FZD9: variants seen among roughly 807,000 people sequenced by gnomAD.
FZD9 encodes frizzled class receptor 9.
In FZD9, 29 loss-of-function variants were observed where a neutral mutation model predicts 29.9. That is an observed-to-expected ratio of 0.97 (90% CI 0.72 to 1.32). FZD9 has a LOEUF of 1.32. FZD9 is among the 40% of genes most tolerant of loss of function. FZD9 has a pLI of 0.00. For synonymous variants in FZD9, 384 were observed against 393.9 expected (o/e 0.97, Z 0.30); for missense variants, 822 against 857.8 (o/e 0.96, Z 0.52).
chr7:73,435,231 C>G lies in FZD9; in HGVS notation c.1224C>G (p.Gly408=), dbSNP rs782450675. 4 of 1,613,514 alleles carry G rather than the reference C, an allele frequency of 2.5e-6. No individual in the cohort carries two copies. The South Asian group carries it at 3.3e-5, about 13-fold the overall frequency. The stretch of plus-strand genomic sequence containing the variant: ...GCTTCGTGCTGGTGCCCCTCTCTGG[C>G]TACCTGGTGCTGGGCAGTAGTTTCC... ...LTGFVLVPLS[G]YLVLGSSFLL... The change falls in exon 1 of 1, where the codon GGC becomes GGG. Residue 408 remains glycine, a synonymous_variant. Coordinates refer to ENST00000344575, the MANE Select transcript of FZD9 (RefSeq NM_003508.3).
Position 73,435,121 on chromosome 7 carries a change from G to C in FZD9, c.1114G>C (p.Val372Leu), listed in dbSNP as rs930955244. The C allele has an allele frequency of 6.2e-7, 1 of 1,611,554 alleles. No individual in the cohort carries two copies. Among genetic ancestry groups the C allele is most frequent in the Non-Finnish European group, 8.5e-7 (1 of 1,179,044 alleles). The change falls in exon 1 of 1, where the codon GTC becomes CTC. Residue 372 changes from valine (V) to leucine (L), a missense_variant. By Grantham distance (32) the Val-to-Leu change is conservative. Coordinates refer to ENST00000344575, the MANE Select transcript of FZD9 (RefSeq NM_003508.3). ...AWGLPALKTIVILTLRKVAGD... is the reference protein window; with the variant it reads ...AWGLPALKTILILTLRKVAGD... The stretch of plus-strand genomic sequence containing the variant: ...GGGCCTGCCCGCGCTCAAGACCATC[G>C]TCATCCTGACCCTGCGCAAGGTGGC...
rs782514203 is a variant in FZD9 at position 73,435,719 on chromosome 7, C to T, written c.1712C>T (p.Ala571Val). The T allele has an allele frequency of 1.9e-6, 3 of 1,612,144 alleles. No homozygotes were observed. Among genetic ancestry groups the T allele is most frequent in the Non-Finnish European group, 2.5e-6 (3 of 1,179,022 alleles). ...CGTGGCACGCACTGCCACTATAAGG[C>T]TCCCACCGTGGTCTTGCACATGACT... ...YGRGTHCHYK[A>V]PTVVLHMTKT... is the part of the protein sequence containing the mutation. Residue 571 changes from alanine (A) to valine (V), a missense_variant, in exon 1 of 1, where the codon GCT becomes GTT. By Grantham distance (64) the Ala-to-Val change is moderately conservative. Coordinates refer to ENST00000344575, the MANE Select transcript of FZD9 (RefSeq NM_003508.3).
rs782357130 is a variant in FZD9, at chr7:73,434,944, T to G, written c.937T>G (p.Cys313Gly). ...CCAGGAGGGCCTGGAGAACACGGGC[T>G]GCACGCTGGTCTTCCTACTGCTCTA... ...VIQEGLENTGCTLVFLLLYYF... is the reference protein window; with the variant it reads ...VIQEGLENTGGTLVFLLLYYF... The change falls in exon 1 of 1, where the codon TGC becomes GGC. Residue 313 changes from cysteine to glycine, a missense_variant. Coordinates refer to ENST00000344575, the MANE Select transcript of FZD9 (RefSeq NM_003508.3). 2 of 1,614,072 alleles carry G rather than the reference T, an allele frequency of 1.2e-6. No homozygotes were observed. The highest frequency in any genetic ancestry group is 1.7e-5 in the Admixed American group (1 of 60,038).
chr7:73,434,544 C>T lies in FZD9; in HGVS notation c.537C>T (p.Pro179=). 1 of 1,429,716 alleles carries T rather than the reference C, an allele frequency of 7.0e-7. No individual in the cohort carries two copies. Among genetic ancestry groups the T allele is most frequent in the Non-Finnish European group, 9.1e-7 (1 of 1,103,714 alleles). 88.6% of individuals were successfully genotyped at this position (1,429,716 alleles called of 1,614,324 possible). A position where few individuals can be genotyped will look rare whatever the true frequency, so the allele number is the denominator to read the frequency against. The change falls in exon 1 of 1, where the codon CCC becomes CCT. Residue 179 remains proline (P), a synonymous_variant. Transcript: ENST00000344575. ...GCATGCTGCCCGTGGCGCCGCGGCC[C>T]GCGCGCCCTCCCGGAGACCTGGGCC... ...GLGMLPVAPR[P]ARPPGDLGPG... is the part of the protein sequence containing the mutation.
chr7:73,435,487 C>G lies in FZD9; in HGVS notation c.1480C>G (p.Arg494Gly), dbSNP rs1554563613. 3 of 1,612,880 alleles carry G rather than the reference C, an allele frequency of 1.9e-6. No homozygotes were observed. The highest frequency in any genetic ancestry group is 2.2e-5 in the East Asian group (1 of 44,876). Residue 494 changes from arginine to glycine, a missense_variant, in exon 1 of 1, where the codon CGG (arginine) becomes GGG (glycine). Arg to Gly is a moderately radical substitution (Grantham distance 125). Coordinates refer to ENST00000344575, the MANE Select transcript of FZD9 (RefSeq NM_003508.3). Reference sequence around the variant, plus strand: ...CGCAGCGGCCGCGGGGCCCGGAGGCCGGAGGGACTGCTCGCTGCCAGGGGG... The same window carrying G: ...CGCAGCGGCCGCGGGGCCCGGAGGCGGGAGGGACTGCTCGCTGCCAGGGGG... ...PCAAAAGPGG[R>G]RDCSLPGGSV...
Position 73,435,375 on chromosome 7 carries a change from G to T in FZD9, c.1368G>T (p.Thr456=), listed in dbSNP as rs1448044448. Residue 456 remains threonine, a synonymous_variant, in exon 1 of 1, where the codon ACG becomes ACT. Coordinates refer to ENST00000344575, the MANE Select transcript of FZD9 (RefSeq NM_003508.3). ...TCGGGGTCTTCTCCATCCTCTACAC[G>T]GTGCCCGCCACCTGCGTCATCGTTT... The part of the protein sequence containing the change: ...VKIGVFSILY[T]VPATCVIVCY... 3.1e-6 allele frequency: 5 copies of T among 1,613,842 alleles called. No homozygotes were observed. Among genetic ancestry groups the T allele is most frequent in the African/African-American group, 2.7e-5 (2 of 75,056 alleles).
chr7:73,434,006 G>T lies in FZD9; in HGVS notation c.-2G>T. On this transcript the variant is annotated 5_prime_UTR_variant, in exon 1 of 1. Transcript: ENST00000344575. Reference sequence around the variant, plus strand: ...TCCCGCCTTCGGCCCGGGCCTCCCGGGATGGCCGTGGCGCCTCTGCGGGGG... The same window carrying T: ...TCCCGCCTTCGGCCCGGGCCTCCCGTGATGGCCGTGGCGCCTCTGCGGGGG... 9 of 1,213,638 alleles carry T rather than the reference G, an allele frequency of 7.4e-6. No homozygotes were observed. Among genetic ancestry groups the T allele is most frequent in the East Asian group, 3.4e-5 (1 of 29,814 alleles). 75.2% of individuals were successfully genotyped at this position (1,213,638 alleles called of 1,614,324 possible).
Position 73,436,020 on chromosome 7 carries a change from G to A in FZD9, c.*237G>A. The A allele has an allele frequency of 2.0e-6, 1 of 496,234 alleles. No homozygotes were observed. The highest frequency in any genetic ancestry group is 3.6e-6 in the Non-Finnish European group (1 of 276,428). 30.7% of individuals were successfully genotyped at this position (496,234 alleles called of 1,614,324 possible). A position where few individuals can be genotyped will look rare whatever the true frequency, so the allele number is the denominator to read the frequency against. On this transcript the variant is annotated 3_prime_UTR_variant, in exon 1 of 1. Coordinates refer to ENST00000344575, the MANE Select transcript of FZD9 (RefSeq NM_003508.3). ...CCCACAGGGTCCTAGTGGAGGATGTGGAGGGGCGGGGCAGAGGGGTCCAGC... is the reference window on the plus strand; with the variant it reads ...CCCACAGGGTCCTAGTGGAGGATGTAGAGGGGCGGGGCAGAGGGGTCCAGC...
rs1787415210 is a variant in FZD9, at chr7:73,435,933, C to T, written c.*150C>T. Reference sequence around the variant, plus strand: ...GGGACTGAGGATCAGGGCGGGACCCCGTGAGGCTCATTAGGGGAGATGGGG... The same window carrying T: ...GGGACTGAGGATCAGGGCGGGACCCTGTGAGGCTCATTAGGGGAGATGGGG... On this transcript the variant is annotated 3_prime_UTR_variant, in exon 1 of 1. Transcript: ENST00000344575. The T allele has an allele frequency of 1.9e-6, 2 of 1,076,672 alleles. No homozygotes were observed. The allele number at this position is 1,076,672 out of a possible 1,614,324, so 66.7% of individuals were successfully genotyped here.
chr7:73,434,325 G>A lies in FZD9; in HGVS notation c.318G>A (p.Thr106=), dbSNP rs1554563245. The change falls in exon 1 of 1, where the codon ACG becomes ACA. Residue 106 remains threonine (T), a synonymous_variant. Transcript: ENST00000344575. ...CCATGTGCACCGACCAGGTCTCGAC[G>A]CCCATTCCCGCCTGCCGGCCCATGT... is the stretch of plus-strand genomic sequence containing the variant. ...YAPMCTDQVS[T]PIPACRPMCE... is the part of the protein sequence containing the mutation. 3.2e-6 allele frequency: 5 copies of A among 1,582,314 alleles called. No homozygotes were observed. The highest frequency in any genetic ancestry group is 1.7e-5 in the Admixed American group (1 of 57,298).
rs782562809 is a variant in FZD9, at chr7:73,434,682, G to A, written c.675G>A (p.Arg225=). ...CCGGCGTCGAGGTGTTCTGGTCCCG[G>A]CGCGACAAGGACTTCGCGCTGGTCT... The part of the protein sequence containing the change: ...CGPGVEVFWS[R]RDKDFALVWM... Residue 225 remains arginine, a synonymous_variant, in exon 1 of 1, where the codon CGG becomes CGA. Transcript: ENST00000344575. 1 of 1,603,376 alleles carries A rather than the reference G, an allele frequency of 6.2e-7. No individual in the cohort carries two copies. The highest frequency in any genetic ancestry group is 1.1e-5 in the South Asian group (1 of 91,044).
At position 73,435,435 on chromosome 7, in the gene FZD9, G is replaced by A. The variant is rs1554563596; in HGVS notation, c.1428G>A (p.Trp476Ter). The A allele has an allele frequency of 6.2e-7, 1 of 1,613,596 alleles. No homozygotes were observed. Among genetic ancestry groups the A allele is most frequent in the Admixed American group, 1.7e-5 (1 of 60,012 alleles). Reference sequence around the variant, plus strand: ...ACGAACGCCTCAACATGGACTTCTGGCGCCTTCGGGCCACAGAGCAGCCAT... The same window carrying A: ...ACGAACGCCTCAACATGGACTTCTGACGCCTTCGGGCCACAGAGCAGCCAT... Reference protein sequence around the residue: ...YVYERLNMDFWRLRATEQPCA... With the variant: ...YVYERLNMDF The change falls in exon 1 of 1, where the codon TGG becomes TGA. Residue 476 changes from tryptophan (W) to a stop codon, truncating the protein, a stop_gained. Transcript: ENST00000344575. LOFTEE classifies it high-confidence loss of function.
Position 73,435,855 on chromosome 7 carries a change from G to T in FZD9, c.*72G>T. On this transcript the variant is annotated 3_prime_UTR_variant, in exon 1 of 1. Transcript: ENST00000344575. The stretch of plus-strand genomic sequence containing the variant: ...CACGCCCTGCCCCCTGCATCCCCTA[G>T]AGACAGCTGACTAGCAGCTGCCCAG... 1 of 1,509,704 alleles carries T rather than the reference G, an allele frequency of 6.6e-7. No individual in the cohort carries two copies. The allele number at this position is 1,509,704 out of a possible 1,614,324, so 93.5% of individuals were successfully genotyped here.
Position 73,435,853 on chromosome 7 carries a change from TAG to T in FZD9, c.*74_*75del. On this transcript the variant is annotated 3_prime_UTR_variant, in exon 1 of 1. Coordinates refer to ENST00000344575, the MANE Select transcript of FZD9 (RefSeq NM_003508.3). ...TCCACGCCCTGCCCCCTGCATCCCC[TAG>T]AGACAGCTGACTAGCAGCTGCCCAG... 6.6e-7 allele frequency: 1 copy of T among 1,508,410 alleles called. No individual in the cohort carries two copies. The highest frequency in any genetic ancestry group is 1.8e-4 in the Middle Eastern group (1 of 5,572). The allele number at this position is 1,508,410 out of a possible 1,614,324, so 93.4% of individuals were successfully genotyped here. A position where few individuals can be genotyped will look rare whatever the true frequency, so the allele number is the denominator to read the frequency against.
Position 73,434,868 on chromosome 7 carries a change from C to T in FZD9, c.861C>T (p.Ala287=), listed in dbSNP as rs782026570. Residue 287 remains alanine (A), a synonymous_variant, in exon 1 of 1, where the codon GCC becomes GCT. Transcript: ENST00000344575. ...TGGCCTTCCTGATCCGTGCGGTGGC[C>T]GGAGCGCAGAGCGTGGCCTGTGACC... The part of the protein sequence containing the change: ...YSLAFLIRAV[A]GAQSVACDQE... The T allele has an allele frequency of 1.7e-5, 28 of 1,613,448 alleles. No homozygotes were observed. In the East Asian group the frequency reaches 3.6e-4, roughly 21 times the overall value.
chr7:73,434,355 G>T lies in FZD9; in HGVS notation c.348G>T (p.Glu116Asp), dbSNP rs375005276. The change falls in exon 1 of 1, where the codon GAG becomes GAT. Residue 116 changes from glutamate (E) to aspartate (D), a missense_variant. Transcript: ENST00000344575. ...TTCCCGCCTGCCGGCCCATGTGCGA[G>T]CAGGCGCGCCTGCGCTGCGCGCCCA... is the stretch of plus-strand genomic sequence containing the variant. ...TPIPACRPMC[E>D]QARLRCAPIM... The T allele has an allele frequency of 5.1e-6, 8 of 1,580,224 alleles. No individual in the cohort carries two copies. The highest frequency in any genetic ancestry group is 6.8e-6 in the Non-Finnish European group (8 of 1,170,816).
In FZD9 at chr7:73,434,752, A is replaced by C. The variant is rs1311312226; in HGVS notation, c.745A>C (p.Thr249Pro). 1 of 1,611,630 alleles carries C rather than the reference A, an allele frequency of 6.2e-7. No homozygotes were observed. The highest frequency in any genetic ancestry group is 8.5e-7 in the Non-Finnish European group (1 of 1,179,956). The part of the protein sequence containing the change: ...SALCFFSTAF[T>P]VLTFLLEPHR... ...GCTGTGCTTCTTCTCCACCGCCTTCACTGTGCTCACCTTCTTGCTGGAGCC... is the reference window on the plus strand; with the variant it reads ...GCTGTGCTTCTTCTCCACCGCCTTCCCTGTGCTCACCTTCTTGCTGGAGCC... The change falls in exon 1 of 1, where the codon ACT becomes CCT. Residue 249 changes from threonine (T) to proline (P), a missense_variant. Coordinates refer to ENST00000344575, the MANE Select transcript of FZD9 (RefSeq NM_003508.3).
In FZD9 at chr7:73,433,918, C is replaced by G; in HGVS notation, c.-90C>G. On this transcript the variant is annotated 5_prime_UTR_variant, in exon 1 of 1. Coordinates refer to ENST00000344575, the MANE Select transcript of FZD9 (RefSeq NM_003508.3). Reference sequence around the variant, plus strand: ...GGCGGCTCAGCGATGGCCCGCGCCCCGCGACGTGGCGGGCAGGCACCGGGG... The same window carrying G: ...GGCGGCTCAGCGATGGCCCGCGCCCGGCGACGTGGCGGGCAGGCACCGGGG... 2 of 1,026,136 alleles carry G rather than the reference C, an allele frequency of 1.9e-6. No individual in the cohort carries two copies. Among genetic ancestry groups the G allele is most frequent in the Non-Finnish European group, 2.4e-6 (2 of 847,236 alleles). The allele number at this position is 1,026,136 out of a possible 1,614,324, so 63.6% of individuals were successfully genotyped here.
rs1554563706 is a variant in FZD9, at chr7:73,435,815, C to A, written c.*32C>A. 3 of 1,537,814 alleles carry A rather than the reference C, an allele frequency of 2.0e-6. No individual in the cohort carries two copies. The African/African-American group carries it at 4.1e-5, about 21-fold the overall frequency. On this transcript the variant is annotated 3_prime_UTR_variant, in exon 1 of 1. Transcript: ENST00000344575. ...AGGCCTGGCGCGGGGTGGCTGCTGC[C>A]CCCTCCTTGCCCTCCACGCCCTGCC...
Sources: gnomAD v4.1 joint callset for allele counts on GRCh38, gnomAD v4.1.1 for gene constraint, MANE v1.5 for transcripts, NCBI Gene and HGNC (gene_info 2026-07-23, HGNC 2026-07-21) for gene names.